Variants in GALNTL6 observed in about 807,000 individuals in gnomAD.
The protein encoded by GALNTL6 is polypeptide N-acetylgalactosaminyltransferase-like 6.
GALNTL6 carries 46 observed loss-of-function variants against 73.7 expected under a neutral mutation model. The ratio of observed to expected loss-of-function variants is 0.62; its 90% CI spans 0.49 to 0.80. GALNTL6 has a LOEUF of 0.80. GALNTL6 is among the 30% of genes least tolerant of loss of function. The probability of loss-of-function intolerance (pLI) is 0.00; values close to 1 mark genes in which losing one functional copy is unlikely to be tolerated. For missense variants in GALNTL6, 604 were observed against 755.0 expected, an observed-to-expected ratio of 0.80 and a Z score of 2.34; for synonymous variants, 259 against 263.7, an observed-to-expected ratio of 0.98 and a Z score of 0.17.
chr4:172,276,720 T>TAATTAAAGTGTTGTAATTAA (rs1738844540), intron 3 of GALNTL6, among the ~76,000 whole-genome samples: 7 of 152,314 alleles, frequency 4.6e-5, no homozygotes, highest in Admixed American at 3.9e-4. Flanking sequence ...ATATGCTGAT[T>TAATTAAAGTGTTGTAATTAA]TTAAAACAAA....
chr4:172,966,744 T>G (rs1208591905), intron 10 of GALNTL6, among the ~76,000 whole-genome samples: 1 of 152,218 alleles, frequency 6.6e-6, no homozygotes, highest in East Asian at 1.9e-4. Flanking sequence ...GCTTGAAATT[T>G]GATTTTAATC....
intron 2 of GALNTL6, among the ~76,000 whole-genome samples, chr4:171,845,795 A>G (rs1042653877): frequency 6.6e-6 from 1 of 152,218 alleles, no homozygotes; most frequent in Non-Finnish European, 1.5e-5. Context: ...AATCACTTGT[A>G]TTCATTAAAC....
At chr4:172,046,262 G>A (rs981937383) in intron 2 of GALNTL6, among the ~76,000 whole-genome samples, 12 of 151,928 alleles carry the variant, frequency 7.9e-5, no homozygotes, top group Admixed American at 5.3e-4. Flanking sequence ...TTTTGGGCAC[G>A]TACCCAGAAG....
At chr4:172,054,704 T>C (rs1730972406) in intron 2 of GALNTL6, among the ~76,000 whole-genome samples, 2 of 152,282 alleles carry the variant, frequency 1.3e-5, no homozygotes, top group Middle Eastern at 3.4e-3. Flanking sequence ...CATAAGAATT[T>C]TGAGGGAACA....
At chr4:172,087,825 A>G (rs1826311) in intron 2 of GALNTL6, among the ~76,000 whole-genome samples, 57,248 of 151,378 alleles carry the variant, frequency 0.38, 11,163 homozygotes, top group Non-Finnish European at 0.42. Flanking sequence ...TCTTTTTTAT[A>G]TATATTTATT....
chr4:172,038,178 A>G (rs1338861427), intron 2 of GALNTL6, among the ~76,000 whole-genome samples: 1 of 151,306 alleles, frequency 6.6e-6, no homozygotes, highest in Admixed American at 6.6e-5. Flanking sequence ...TCATCTATTC[A>G]GCCTTATTTG....
chr4:172,220,616 C>T (rs1736641425), intron 2 of GALNTL6, among the ~76,000 whole-genome samples: 1 of 151,762 alleles, frequency 6.6e-6, no homozygotes, highest in Non-Finnish European at 1.5e-5. Flanking sequence ...TTTATATTTT[C>T]ATTAATTTTT....
intron 12 of GALNTL6, among the ~76,000 whole-genome samples, chr4:173,024,126 C>G (rs952076055): frequency 2.0e-5 from 3 of 152,106 alleles, no homozygotes; most frequent in Non-Finnish European, 4.4e-5. Context: ...ACAACTAATA[C>G]ACAGAGCTCC....
At chr4:172,315,091 A>G (rs1268397635) in intron 4 of GALNTL6, among the ~76,000 whole-genome samples, 1 of 152,254 alleles carries the variant, frequency 6.6e-6, no homozygotes, top group African/African-American at 2.4e-5. Context: ...TATCCAAAAA[A>G]TAAATTTCAA....
chr4:172,206,261 A>G (rs1736106368), intron 2 of GALNTL6, among the ~76,000 whole-genome samples: 1 of 152,122 alleles, frequency 6.6e-6, no homozygotes, highest in African/African-American at 2.4e-5. Flanking sequence ...CAGCTCATCA[A>G]CAATGATGAT....
chr4:172,582,954 A>G (rs866270481), intron 5 of GALNTL6, among the ~76,000 whole-genome samples: 3 of 152,208 alleles, frequency 2.0e-5, no homozygotes, highest in Admixed American at 6.5e-5. Flanking sequence ...AAATCTTGTC[A>G]TCCCAGTAAT....
chr4:172,977,016 C>T (rs1325908747), intron 10 of GALNTL6, among the ~76,000 whole-genome samples: 2 of 152,168 alleles, frequency 1.3e-5, no homozygotes, highest in Non-Finnish European at 2.9e-5. Context: ...TCATTGGAAA[C>T]CTCTTTATTG....
chr4:171,949,567 T>C (rs1284460664), intron 2 of GALNTL6, among the ~76,000 whole-genome samples: 1 of 152,070 alleles, frequency 6.6e-6, no homozygotes, highest in Non-Finnish European at 1.5e-5. Context: ...AGAAAGTAGA[T>C]TGAGGTGGAA....
chr4:172,275,187 G>C (rs1738785711), intron 3 of GALNTL6, among the ~76,000 whole-genome samples: 1 of 152,138 alleles, frequency 6.6e-6, no homozygotes, highest in Admixed American at 6.6e-5. Context: ...AAGGACAAAA[G>C]AAATGTTGAT....
intron 2 of GALNTL6, among the ~76,000 whole-genome samples, chr4:172,192,068 C>A: frequency 6.6e-6 from 1 of 151,892 alleles, no homozygotes; most frequent in Admixed American, 6.6e-5. Flanking sequence ...AATAAGAGTT[C>A]ATAAAATGCT....
chr4:172,808,204 T>C (rs1363688098), intron 5 of GALNTL6, among the ~76,000 whole-genome samples: 1 of 152,110 alleles, frequency 6.6e-6, no homozygotes, highest in Non-Finnish European at 1.5e-5. Context: ...GGACAGTCAA[T>C]AAAAAGGGAA....
At chr4:172,229,298 A>G (rs1010964530) in intron 2 of GALNTL6, among the ~76,000 whole-genome samples, 1 of 152,230 alleles carries the variant, frequency 6.6e-6, no homozygotes, top group South Asian at 2.1e-4. Context: ...TCAAAACAAA[A>G]TTAATTAAAT....
chr4:172,397,437 G>C (rs1234407158), intron 5 of GALNTL6, among the ~76,000 whole-genome samples: 1 of 152,016 alleles, frequency 6.6e-6, no homozygotes, highest in Non-Finnish European at 1.5e-5. Flanking sequence ...TTTCTTACAC[G>C]TTCAAGGACC....
intron 2 of GALNTL6, among the ~76,000 whole-genome samples, chr4:171,865,712 G>A (rs528357338): frequency 1.2e-4 from 18 of 152,222 alleles, no homozygotes; most frequent in Non-Finnish European, 2.9e-5. Context: ...AAGAAAATAT[G>A]AGCAATATTC....
Sources: gnomAD v4.1 joint callset for allele counts (sites outside exome capture counted in the v4.1 genomes callset) on GRCh38, gnomAD v4.1.1 for gene constraint, MANE v1.5 for transcripts, NCBI Gene and HGNC (gene_info 2026-07-23, HGNC 2026-07-21) for gene names.